The following ZNF140 variants were observed in gnomAD, a reference collection of about 807,000 sequenced individuals.
ZNF140 encodes the protein zinc finger protein 140.
In ZNF140, 13 loss-of-function variants were observed where a neutral mutation model predicts 12.9. That is an observed-to-expected ratio of 1.01 (90% CI 0.66 to 1.60). ZNF140 has a LOEUF of 1.60. Ranked by LOEUF, ZNF140 falls within the 40% of genes most tolerant of loss-of-function variation. The pLI is 0.00. For missense variants in ZNF140, 531 were observed against 548.8 expected (o/e 0.97, Z 0.32); for synonymous variants, 214 against 186.7 (o/e 1.15, Z -1.19).
intron 4 of ZNF140, among the ~76,000 whole-genome samples, chr12:133,085,711 CAAAATTATTTTT>C (rs1446491051): frequency 2.0e-5 from 3 of 152,258 alleles, no homozygotes; most frequent in Admixed American, 2.0e-4. Context: ...ATTTGCTTCT[CAAAATTATTTTT>C]AAAATGTTTT....
intron 4 of ZNF140, chr12:133,084,143 T>G: frequency 2.3e-6 from 1 of 439,764 alleles, no homozygotes; most frequent in South Asian, 1.7e-5. Context: ...TTGTTAGTTC[T>G]GTCTGGTCTC....
At chr12:133,099,750 T>G (rs1004502155) in intron 4 of ZNF140, among the ~76,000 whole-genome samples, 1 of 152,202 alleles carries the variant, frequency 6.6e-6, no homozygotes, top group Non-Finnish European at 1.5e-5. Flanking sequence ...CCTTTCTTCA[T>G]GTAGGTCTGA....
intron 4 of ZNF140, among the ~76,000 whole-genome samples, chr12:133,083,829 G>A (rs1289031725): frequency 1.3e-5 from 2 of 151,852 alleles, no homozygotes; most frequent in South Asian, 2.1e-4. Context: ...GCTTGGTGGC[G>A]GGTGCCTGTA....
At chr12:133,090,741 A>G (rs1310471587) in intron 4 of ZNF140, among the ~76,000 whole-genome samples, 11 of 147,430 alleles carry the variant, frequency 7.5e-5, no homozygotes, top group Non-Finnish European at 1.5e-4. Context: ...TTTCAGCAAA[A>G]AGGAATGTAG....
intron 4 of ZNF140, among the ~76,000 whole-genome samples, chr12:133,104,354 A>ATTTT (rs34193332): frequency 6.9e-6 from 1 of 144,310 alleles, no homozygotes; most frequent in Non-Finnish European, 1.5e-5. Flanking sequence ...TAAAGATACA[A>ATTTT]TTTTTTTTTT....
intron 4 of ZNF140, among the ~76,000 whole-genome samples, chr12:133,098,246 C>CT (rs1196942561): frequency 4.6e-5 from 7 of 151,904 alleles, no homozygotes; most frequent in African/African-American, 1.5e-4. Context: ...AATATACATT[C>CT]TTTTTTTTGA....
At chr12:133,083,959 C>CAA (rs1236461703) in intron 4 of ZNF140, among the ~76,000 whole-genome samples, 3 of 123,064 alleles carry the variant, frequency 2.4e-5, no homozygotes, top group Non-Finnish European at 3.5e-5. Context: ...GACTCCATCT[C>CAA]AAAAAAAAAA....
Position 133,105,526 on chromosome 12 carries a change from T to A in ZNF140, c.249T>A (p.Gly83=). The change falls in exon 5 of 5, where the codon GGT becomes GGA. Residue 83 remains glycine, a synonymous_variant. Transcript: ENST00000355557. ...RDLFSVSESS[G]EIKDFSPKNV... is the part of the protein sequence containing the mutation. ...ATCTTTCAGTTTCAGAGTCAAGTGG[T>A]GAGATCAAAGACTTTTCACCAAAAA... 2 of 1,603,468 alleles carry A rather than the reference T, an allele frequency of 1.2e-6. No homozygotes were observed. The highest frequency in any genetic ancestry group is 2.2e-5 in the South Asian group (2 of 89,166).
At chr12:133,100,176 T>G (rs1231429902) in intron 4 of ZNF140, among the ~76,000 whole-genome samples, 6 of 141,936 alleles carry the variant, frequency 4.2e-5, no homozygotes, top group East Asian at 4.0e-4. Context: ...TTTTTTTTTT[T>G]TTTTTTTTTT....
chr12:133,105,345 T>C (rs1955553248), intron 4 of ZNF140, among the ~76,000 whole-genome samples, 165 bp from the exon 5 acceptor site: 1 of 152,218 alleles, frequency 6.6e-6, no homozygotes, highest in South Asian at 2.1e-4. Flanking sequence ...TGTTTGATCT[T>C]TTCTGAAGTT....
Position 133,081,262 on chromosome 12 carries a change from C to G in ZNF140, c.-48-11C>G. On this transcript the variant is annotated splice_polypyrimidine_tract_variant and intron_variant, in intron 1 of 4. Transcript: ENST00000355557. ...GCCTGTTCGCTCAGGGCTCCTTTCT[C>G]TCTCTGCCAGGTCTGCCATTTTACA... 2 of 1,514,866 alleles carry G rather than the reference C, an allele frequency of 1.3e-6. No homozygotes were observed. The highest frequency in any genetic ancestry group is 1.8e-6 in the Non-Finnish European group (2 of 1,111,884). The allele number at this position is 1,514,866 out of a possible 1,614,324, so 93.8% of individuals were successfully genotyped here.
intron 4 of ZNF140, among the ~76,000 whole-genome samples, chr12:133,097,819 A>ATGTGTGTGTGTG (rs71079166): frequency 1.0e-4 from 15 of 143,260 alleles, no homozygotes; most frequent in South Asian, 4.7e-4. Flanking sequence ...ACATCTAACC[A>ATGTGTGTGTGTG]TGTGTGTGTG....
At chr12:133,097,198 C>T (rs371432583) in intron 4 of ZNF140, among the ~76,000 whole-genome samples, 3,067 of 152,144 alleles carry the variant, frequency 0.02, 109 homozygotes, top group African/African-American at 0.068. Flanking sequence ...TATGGTATAC[C>T]TTTCTGTACT....
intron 4 of ZNF140, among the ~76,000 whole-genome samples, chr12:133,087,809 GTATATT>G (rs1160133137): frequency 3.9e-4 from 60 of 152,220 alleles, no homozygotes; most frequent in Non-Finnish European, 7.5e-4. Flanking sequence ...TAGTCAATTT[GTATATT>G]TATATCTCTT....
intron 4 of ZNF140, among the ~76,000 whole-genome samples, chr12:133,100,629 G>A (rs1349456393): frequency 6.6e-6 from 1 of 152,188 alleles, no homozygotes; most frequent in Non-Finnish European, 1.5e-5. Context: ...ATATGAGAGA[G>A]TTTTTCCTTA....
chr12:133,102,681 G>A (rs1002285540), intron 4 of ZNF140, among the ~76,000 whole-genome samples: 2 of 151,852 alleles, frequency 1.3e-5, no homozygotes, highest in African/African-American at 2.4e-5. Flanking sequence ...CCTGGGAGGC[G>A]GCGGTTGCAG....
chr12:133,080,543 A>C (rs1954431356), upstream of ZNF140: 1 of 152,074 alleles, frequency 6.6e-6, no homozygotes, highest in Non-Finnish European at 1.5e-5. Flanking sequence ...CAGTTATAGG[A>C]ACACAAAGGT....
intron 4 of ZNF140, among the ~76,000 whole-genome samples, chr12:133,085,157 T>A (rs1247283188): frequency 6.6e-6 from 1 of 152,124 alleles, no homozygotes; most frequent in East Asian, 1.9e-4. Flanking sequence ...CCTGAGTAAC[T>A]GGGACTACAG....
Position 133,081,262 on chromosome 12 carries a change from C to T in ZNF140, c.-48-11C>T, listed in dbSNP as rs1954468568. ...GCCTGTTCGCTCAGGGCTCCTTTCT[C>T]TCTCTGCCAGGTCTGCCATTTTACA... On this transcript the variant is annotated splice_polypyrimidine_tract_variant and intron_variant, in intron 1 of 4. Transcript: ENST00000355557. 4 of 1,514,866 alleles carry T rather than the reference C, an allele frequency of 2.6e-6. No homozygotes were observed. The highest frequency in any genetic ancestry group is 3.6e-5 in the Admixed American group (2 of 55,852). 93.8% of individuals were successfully genotyped at this position (1,514,866 alleles called of 1,614,324 possible). A position where few individuals can be genotyped will look rare whatever the true frequency, so the allele number is the denominator to read the frequency against.
Sources: allele counts gnomAD v4.1 joint callset (sites outside exome capture counted in the v4.1 genomes callset), GRCh38; gene constraint gnomAD v4.1.1; transcripts MANE v1.5; gene names NCBI Gene and HGNC (gene_info 2026-07-23, HGNC 2026-07-21).